The following NBN variants were observed in gnomAD, a reference collection of about 807,000 sequenced individuals.
NBN encodes the protein nibrin, also known as Nijmegen breakage syndrome 1 (nibrin).
Under a neutral mutation model 90.8 loss-of-function variants are expected in NBN, and 88 were observed. The ratio of observed to expected loss-of-function variants is 0.97; its 90% CI spans 0.82 to 1.16. The LOEUF (loss-of-function observed/expected upper bound fraction) is 1.16, where lower values mean the gene tolerates loss of function less well. NBN is among the 50% of genes most tolerant of loss of function. The pLI, the probability that NBN is intolerant of heterozygous loss-of-function variation, is 0.00. For missense variants in NBN, 894 were observed against 869.6 expected, an observed-to-expected ratio of 1.03 and a Z score of -0.35; for synonymous variants, 328 against 295.1, an observed-to-expected ratio of 1.11 and a Z score of -1.14.
intron 7 of NBN, among the ~76,000 whole-genome samples, chr8:89,965,287 T>C (rs1811202859): frequency 6.6e-6 from 1 of 152,188 alleles, no homozygotes; most frequent in Non-Finnish European, 1.5e-5. Context: ...CAACTTTTAG[T>C]AAATCAAATC....
intron 14 of NBN, among the ~76,000 whole-genome samples, chr8:89,938,197 C>T (rs1421746706): frequency 1.3e-5 from 2 of 152,136 alleles, no homozygotes; most frequent in Non-Finnish European, 2.9e-5. Flanking sequence ...CCAGAAGTTC[C>T]TTAAATACAG....
intron 11 of NBN, among the ~76,000 whole-genome samples, chr8:89,951,021 G>GA (rs1293897704): frequency 2.0e-5 from 3 of 151,862 alleles, no homozygotes; most frequent in East Asian, 1.9e-4. Flanking sequence ...GAATTTAAGG[G>GA]AAAAAAAGTG....
rs760043998 is a variant in NBN at position 89,955,309 on chromosome 8, G to A, written c.1371C>T (p.Asn457=). The change falls in exon 10 of 16, where the codon AAC becomes AAT. Residue 457 remains asparagine, a synonymous_variant. Transcript: ENST00000265433. ...TTTTTTTGGTAGACGGCTGAAAGTA[G>A]TTTCTGATGGAGTTGGTCTGCTGCT... ...SQQQQTNSIR[N]YFQPSTKKRE... 1 of 1,613,768 alleles carries A rather than the reference G, an allele frequency of 6.2e-7. No individual in the cohort carries two copies. The highest frequency in any genetic ancestry group is 1.1e-5 in the South Asian group (1 of 91,078).
chr8:89,976,709 T>C (rs368974944), intron 5 of NBN, among the ~76,000 whole-genome samples: 2 of 152,168 alleles, frequency 1.3e-5, no homozygotes, highest in African/African-American at 2.4e-5. Context: ...TTGAGTGCAT[T>C]TGTTCATCTG....
chr8:89,944,724 G>A (rs1810110983), intron 13 of NBN, among the ~76,000 whole-genome samples: 1 of 152,008 alleles, frequency 6.6e-6, no homozygotes, highest in Non-Finnish European at 1.5e-5. Flanking sequence ...ACTACAGGCA[G>A]ACATCACCAT....
At chr8:89,961,744 G>C (rs1468229591) in intron 8 of NBN, among the ~76,000 whole-genome samples, 3 of 152,326 alleles carry the variant, frequency 2.0e-5, no homozygotes, top group Admixed American at 1.3e-4. Flanking sequence ...AAAGGGCTTG[G>C]AGATTTATTC....
chr8:89,984,547 C>G lies in NBN; in HGVS notation c.15G>C (p.Leu5=), dbSNP rs1363180098. 5.0e-6 allele frequency: 8 copies of G among 1,613,208 alleles called. No individual in the cohort carries two copies. In the South Asian group the frequency reaches 8.8e-5, roughly 18 times the overall value. Residue 5 remains leucine (L), a synonymous_variant, in exon 1 of 16, where the codon CTG becomes CTC. Coordinates refer to ENST00000265433, the MANE Select transcript of NBN (RefSeq NM_002485.5). ...TACCTCCTGCCGGGCCCGCGGCGGG[C>G]AGCAGTTTCCACATCGGTCCGGCTC... MWKL[L]PAAGPAGGEP... is the part of the protein sequence containing the mutation.
Position 89,984,667 on chromosome 8 carries a change from C to A in NBN, c.-106G>T. 6.5e-7 allele frequency: 1 copy of A among 1,526,852 alleles called. No homozygotes were observed. The highest frequency in any genetic ancestry group is 8.9e-7 in the Non-Finnish European group (1 of 1,125,494). The allele number at this position is 1,526,852 out of a possible 1,614,324, so 94.6% of individuals were successfully genotyped here. A position where few individuals can be genotyped will look rare whatever the true frequency, so the allele number is the denominator to read the frequency against. ...GTCGGCATGGGCTCCGGGACGTGCG[C>A]GCTCCCGGGAGCCACGCAGGCTGCC... is the stretch of plus-strand genomic sequence containing the variant. On this transcript the variant is annotated 5_prime_UTR_variant, in exon 1 of 16. Transcript: ENST00000265433.
intron 8 of NBN, among the ~76,000 whole-genome samples, chr8:89,959,579 C>T (rs545516959): frequency 6.6e-6 from 1 of 151,742 alleles, no homozygotes; most frequent in South Asian, 2.1e-4. Context: ...ACTGGGAGAC[C>T]CCATCTCTAC....
At chr8:89,983,754 C>A (rs1253835936) in intron 1 of NBN, among the ~76,000 whole-genome samples, 3 of 152,044 alleles carry the variant, frequency 2.0e-5, no homozygotes, top group South Asian at 2.1e-4. Flanking sequence ...ACCCGAGTGG[C>A]AGGGAGATTA....
intron 5 of NBN, among the ~76,000 whole-genome samples, chr8:89,973,509 T>G (rs118126701): frequency 2.0e-5 from 3 of 152,214 alleles, no homozygotes; most frequent in African/African-American, 7.2e-5. Flanking sequence ...TAGTAATACC[T>G]ACATTTGATA....
intron 8 of NBN, 101 bp downstream of exon 8, chr8:89,964,309 G>T: frequency 1.5e-6 from 2 of 1,308,318 alleles, no homozygotes; most frequent in Non-Finnish European, 2.2e-6. Flanking sequence ...AAAACATGGT[G>T]AATATGGTCA....
intron 5 of NBN, 58 bp from the exon 6 acceptor site, chr8:89,971,348 G>T: frequency 6.5e-7 from 1 of 1,535,596 alleles, no homozygotes. Flanking sequence ...CTATTAAATT[G>T]TAAACGGAGT....
intron 5 of NBN, 98 bp downstream of exon 5, chr8:89,978,122 T>C (rs953862415): frequency 4.5e-5 from 49 of 1,094,396 alleles, no homozygotes; most frequent in Non-Finnish European, 6.5e-5. Context: ...CAGCAACTAT[T>C]ACATCCTGAA....
In NBN at chr8:89,964,834, C is replaced by T. The variant is rs113909086; in HGVS notation, c.897-327G>A. 8.8e-3 allele frequency among the ~76,000 whole-genome samples: 1,333 copies of T among 152,224 alleles called. 16 individuals carry two copies. The highest frequency in any genetic ancestry group is 0.02 in the Middle Eastern group (6 of 294). On this transcript the variant is annotated intron_variant, in intron 7 of 15. Transcript: ENST00000265433. ...TAAACAACAGAACAGGCTTTTATGGCCAGGCATGGTGGTTCATGCCTGTAA... is the reference window on the plus strand; with the variant it reads ...TAAACAACAGAACAGGCTTTTATGGTCAGGCATGGTGGTTCATGCCTGTAA...
intron 8 of NBN, among the ~76,000 whole-genome samples, chr8:89,959,230 G>T (rs1404177452): frequency 6.6e-6 from 1 of 152,202 alleles, no homozygotes; most frequent in Non-Finnish European, 1.5e-5. Flanking sequence ...ATCAGAATTA[G>T]TGAGTTTTAT....
chr8:89,963,140 A>C (rs760209095), intron 8 of NBN, among the ~76,000 whole-genome samples: 3 of 152,208 alleles, frequency 2.0e-5, no homozygotes, highest in Non-Finnish European at 2.9e-5. Context: ...ATTACTATGC[A>C]TGGTTACTAA....
chr8:89,984,277 A>G (rs1176174728), intron 1 of NBN: 2 of 587,330 alleles, frequency 3.4e-6, no homozygotes, highest in Non-Finnish European at 3.1e-6. Context: ...GAGTCAGGGG[A>G]GGGGCGCGGA....
chr8:89,945,567 G>T (rs1244468397), intron 13 of NBN, among the ~76,000 whole-genome samples: 2 of 152,172 alleles, frequency 1.3e-5, no homozygotes, highest in Non-Finnish European at 2.9e-5. Flanking sequence ...GCAGTCAGAA[G>T]TAGGTCTGGA....
Sources: gnomAD v4.1 joint callset for allele counts (sites outside exome capture counted in the v4.1 genomes callset) on GRCh38, gnomAD v4.1.1 for gene constraint, MANE v1.5 for transcripts, NCBI Gene and HGNC (gene_info 2026-07-23, HGNC 2026-07-21) for gene names.